The following SAMTOR variants were observed in gnomAD, a reference collection of about 807,000 sequenced individuals.
The protein encoded by SAMTOR is UPF0532 protein C7orf60.
At chr7:112,852,821 T>TC in the SAMTOR span, among the ~76,000 whole-genome samples, 1 of 152,044 alleles carries the variant, frequency 6.6e-6, no homozygotes, top group Non-Finnish European at 1.5e-5. Flanking sequence ...TCTTAGTGTG[T>TC]CATATATTGA....
At chr7:112,822,046 T>G in the SAMTOR span, 1 of 1,613,772 alleles carries the variant, frequency 6.2e-7, no homozygotes, top group Non-Finnish European at 8.5e-7. Context: ...TTTGAGTACT[T>G]GAAGCGTTTA....
the SAMTOR span, among the ~76,000 whole-genome samples, chr7:112,922,554 T>C: frequency 7.2e-6 from 1 of 138,596 alleles, no homozygotes; most frequent in Non-Finnish European, 1.5e-5. Flanking sequence ...AAGTGAGGAG[T>C]GTCTCTACCC....
At chr7:112,925,310 C>T in the SAMTOR span, among the ~76,000 whole-genome samples, 1 of 152,056 alleles carries the variant, frequency 6.6e-6, no homozygotes, top group Non-Finnish European at 1.5e-5. Flanking sequence ...GTCTAGAAGG[C>T]CTTTTTTTGA....
the SAMTOR span, among the ~76,000 whole-genome samples, chr7:112,838,245 CACAG>C: frequency 6.6e-6 from 1 of 151,816 alleles, no homozygotes; most frequent in African/African-American, 2.4e-5. Flanking sequence ...TTAGGTAATT[CACAG>C]ACAGGGAATT....
chr7:112,875,655 T>C, the SAMTOR span, among the ~76,000 whole-genome samples: 6 of 152,156 alleles, frequency 3.9e-5, no homozygotes, highest in African/African-American at 1.4e-4. Context: ...CATTACTCTA[T>C]AAACATCCCA....
the SAMTOR span, among the ~76,000 whole-genome samples, chr7:112,831,215 T>C: frequency 3.9e-5 from 6 of 152,194 alleles, no homozygotes; most frequent in Non-Finnish European, 8.8e-5. Context: ...TAGAGTTCTA[T>C]CAAGAGTAAA....
chr7:112,841,487 G>A, the SAMTOR span, among the ~76,000 whole-genome samples: 1 of 152,054 alleles, frequency 6.6e-6, no homozygotes, highest in East Asian at 1.9e-4. Context: ...TCAATTTCAT[G>A]AAAATGGCCA....
At chr7:112,901,784 C>G in the SAMTOR span, among the ~76,000 whole-genome samples, 2 of 152,148 alleles carry the variant, frequency 1.3e-5, no homozygotes, top group African/African-American at 4.8e-5. Context: ...AGAAGATACA[C>G]AGAGTGGAAG....
At chr7:112,929,871 A>T in the SAMTOR span, among the ~76,000 whole-genome samples, 1 of 152,124 alleles carries the variant, frequency 6.6e-6, no homozygotes, top group African/African-American at 2.4e-5. Context: ...TTTACTGTAC[A>T]TGAATCATAT....
At chr7:112,936,197 T>C in the SAMTOR span, among the ~76,000 whole-genome samples, 11 of 152,322 alleles carry the variant, frequency 7.2e-5, no homozygotes, top group South Asian at 2.1e-3. Flanking sequence ...GAATATCTTA[T>C]GAATATAACC....
the SAMTOR span, among the ~76,000 whole-genome samples, chr7:112,876,036 C>CGGAG: frequency 6.6e-6 from 1 of 152,164 alleles, no homozygotes; most frequent in African/African-American, 2.4e-5. Flanking sequence ...TCTTAGCTCA[C>CGGAG]CACAGCCTCC....
chr7:112,888,807 T>C, the SAMTOR span, among the ~76,000 whole-genome samples: 1 of 152,176 alleles, frequency 6.6e-6, no homozygotes, highest in Non-Finnish European at 1.5e-5. Context: ...TCTTCCTATA[T>C]AATATCTGTG....
At chr7:112,939,834 T>G in the SAMTOR span, 12 of 1,108,380 alleles carry the variant, frequency 1.1e-5, no homozygotes, top group Non-Finnish European at 1.3e-5. Flanking sequence ...AGGAGGGAGC[T>G]GCGGAGGCAG....
the SAMTOR span, among the ~76,000 whole-genome samples, chr7:112,837,088 C>A: frequency 3.3e-5 from 5 of 152,024 alleles, no homozygotes; most frequent in Non-Finnish European, 5.9e-5. Context: ...GAAATGTTTT[C>A]CATTTGTTTG....
At chr7:112,849,875 C>T in the SAMTOR span, among the ~76,000 whole-genome samples, 3 of 152,084 alleles carry the variant, frequency 2.0e-5, no homozygotes, top group Admixed American at 2.0e-4. Context: ...GTTTTTAATT[C>T]TTTTTATATG....
At chr7:112,924,525 A>G in the SAMTOR span, among the ~76,000 whole-genome samples, 122 of 152,182 alleles carry the variant, frequency 8.0e-4, no homozygotes, top group Non-Finnish European at 1.4e-3. Flanking sequence ...AGATGACTAT[A>G]TATCAGTCTG....
At chr7:112,831,697 G>T in the SAMTOR span, among the ~76,000 whole-genome samples, 5 of 152,270 alleles carry the variant, frequency 3.3e-5, no homozygotes, top group African/African-American at 1.2e-4. Context: ...TCACTGAATT[G>T]AAATGATAGT....
the SAMTOR span, among the ~76,000 whole-genome samples, chr7:112,880,076 A>G: frequency 1.3e-5 from 2 of 152,162 alleles, no homozygotes; most frequent in African/African-American, 4.8e-5. Context: ...AAGGAAACAC[A>G]TTTACTTTAT....
chr7:112,933,335 C>T, the SAMTOR span, among the ~76,000 whole-genome samples: 20 of 152,182 alleles, frequency 1.3e-4, no homozygotes, highest in Non-Finnish European at 2.4e-4. Context: ...ACAAATGTGC[C>T]TGACTTATTT....
Sources: allele counts gnomAD v4.1 joint callset (sites outside exome capture counted in the v4.1 genomes callset), GRCh38; gene constraint gnomAD v4.1.1; transcripts MANE v1.5; gene names NCBI Gene and HGNC (gene_info 2026-07-23, HGNC 2026-07-21).